The following PRLR variants were observed in gnomAD, a reference collection of about 807,000 sequenced individuals.
PRLR encodes the protein hPRL receptor.
PRLR carries 13 observed loss-of-function variants against 40.2 expected under a neutral mutation model. The ratio of observed to expected loss-of-function variants is 0.32; its 90% CI spans 0.21 to 0.51. PRLR has a LOEUF of 0.51. PRLR is among the 20% of genes least tolerant of loss of function. The pLI, the probability that PRLR is intolerant of heterozygous loss-of-function variation, is 0.97. For synonymous variants in PRLR, 269 were observed against 278.7 expected, an observed-to-expected ratio of 0.97 and a Z score of 0.35; for missense variants, 656 against 747.3, an observed-to-expected ratio of 0.88 and a Z score of 1.42.
At chr5:35,053,159 G>A (rs936604668), downstream of PRLR, among the ~76,000 whole-genome samples, 1 of 152,020 alleles carries the variant, frequency 6.6e-6, no homozygotes. Flanking sequence ...CCCATAACAC[G>A]TTTCTATTTA....
intron 2 of PRLR, among the ~76,000 whole-genome samples, chr5:35,107,084 A>G (rs920251723): frequency 3.3e-5 from 5 of 152,286 alleles, no homozygotes; most frequent in East Asian, 3.9e-4. Flanking sequence ...ACTCAAAACC[A>G]CACAACTACA....
intron 1 of PRLR, among the ~76,000 whole-genome samples, chr5:35,210,834 C>T (rs1221207659): frequency 6.6e-6 from 1 of 152,032 alleles, no homozygotes; most frequent in African/African-American, 2.4e-5. Context: ...CTCAGTGCCC[C>T]CAAGTAGCTA....
intron 1 of PRLR, among the ~76,000 whole-genome samples, chr5:35,205,758 C>T (rs533494853): frequency 5.3e-5 from 8 of 152,146 alleles, no homozygotes; most frequent in African/African-American, 1.9e-4. Context: ...AAAAGAAGAT[C>T]CTATCTCAGT....
At chr5:35,099,523 G>T (rs750368081) in intron 2 of PRLR, among the ~76,000 whole-genome samples, 32 of 152,158 alleles carry the variant, frequency 2.1e-4, no homozygotes, top group Non-Finnish European at 4.0e-4. Flanking sequence ...TTATTTTACA[G>T]TGTACTCCTT....
intron 1 of PRLR, among the ~76,000 whole-genome samples, chr5:35,156,542 T>C (rs966446759): frequency 1.3e-5 from 2 of 152,294 alleles, no homozygotes; most frequent in African/African-American, 4.8e-5. Flanking sequence ...TGAAATCACC[T>C]CCTACCAACA....
intron 1 of PRLR, among the ~76,000 whole-genome samples, chr5:35,198,927 C>T (rs568818963): frequency 6.6e-6 from 1 of 152,300 alleles, no homozygotes; most frequent in South Asian, 2.1e-4. Context: ...CTGATCTGCT[C>T]TCCGTGAAGC....
At chr5:35,167,044 C>G (rs111921265) in intron 1 of PRLR, among the ~76,000 whole-genome samples, 6 of 152,048 alleles carry the variant, frequency 3.9e-5, no homozygotes, top group Non-Finnish European at 8.8e-5. Context: ...CAAACTTTTT[C>G]TCTAAGAAGA....
chr5:35,054,589 G>A (rs530844835), downstream of PRLR, among the ~76,000 whole-genome samples: 1 of 152,238 alleles, frequency 6.6e-6, no homozygotes, highest in Non-Finnish European at 1.5e-5. Context: ...TAGATAAATA[G>A]GGAGATTAAT....
intron 1 of PRLR, among the ~76,000 whole-genome samples, chr5:35,207,572 C>T (rs1313492704): frequency 6.6e-6 from 1 of 151,762 alleles, no homozygotes; most frequent in Non-Finnish European, 1.5e-5. Context: ...AATGTCTGTT[C>T]TCCTGATTTA....
intron 5 of PRLR, among the ~76,000 whole-genome samples, chr5:35,079,213 T>A (rs1040287152): frequency 2.0e-5 from 3 of 152,114 alleles, no homozygotes; most frequent in African/African-American, 7.2e-5. Flanking sequence ...GCCAGGGCAA[T>A]CAGGCAGGAG....
At chr5:35,218,167 A>G (rs1366483853) in intron 1 of PRLR, among the ~76,000 whole-genome samples, 1 of 152,218 alleles carries the variant, frequency 6.6e-6, no homozygotes, top group Non-Finnish European at 1.5e-5. Flanking sequence ...TACTGCAACT[A>G]TATGTATGGA....
intron 1 of PRLR, among the ~76,000 whole-genome samples, chr5:35,118,847 G>A (rs537880713): frequency 8.5e-4 from 129 of 151,560 alleles, no homozygotes; most frequent in African/African-American, 2.5e-3. Flanking sequence ...GTGCAACGGC[G>A]CAATCACAGC....
chr5:35,162,088 G>C (rs1037462289), intron 1 of PRLR, among the ~76,000 whole-genome samples: 1 of 152,170 alleles, frequency 6.6e-6, no homozygotes, highest in Non-Finnish European at 1.5e-5. Context: ...AATGAGTCCT[G>C]TGCATCAAGA....
rs1769218840 is a variant in PRLR, at chr5:35,064,360, G to A, written c.*729C>T. The A allele has an allele frequency of 6.6e-6, 1 of 152,014 alleles. No homozygotes were observed. Among genetic ancestry groups the A allele is most frequent in the South Asian group, 2.1e-4 (1 of 4,820 alleles). 9.4% of individuals were successfully genotyped at this position (152,014 alleles called of 1,614,324 possible). A position where few individuals can be genotyped will look rare whatever the true frequency, so the allele number is the denominator to read the frequency against. On this transcript the variant is annotated 3_prime_UTR_variant, in exon 10 of 10. Coordinates refer to ENST00000618457, the MANE Select transcript of PRLR (RefSeq NM_000949.7). ...TTATCTATCATGCTGAAATGAAGGA[G>A]GAAAACATCCTAAAGGGATTCACAT...
At chr5:35,166,362 G>A (rs1361534091) in intron 1 of PRLR, among the ~76,000 whole-genome samples, 1 of 152,142 alleles carries the variant, frequency 6.6e-6, no homozygotes, top group East Asian at 1.9e-4. Context: ...CTTGTTTAAT[G>A]TGACAACTGG....
intron 2 of PRLR, among the ~76,000 whole-genome samples, chr5:35,100,260 T>C (rs185550872): frequency 6.6e-6 from 1 of 152,062 alleles, no homozygotes; most frequent in East Asian, 1.9e-4. Flanking sequence ...AAGGTTAATT[T>C]ATTACTGAAG....
chr5:35,228,942 T>C (rs1023372473), intron 1 of PRLR, among the ~76,000 whole-genome samples: 16 of 152,066 alleles, frequency 1.1e-4, no homozygotes, highest in African/African-American at 3.6e-4. Context: ...AGGGATTGCA[T>C]GTAAAATTTT....
intron 9 of PRLR, among the ~76,000 whole-genome samples, 199 bp downstream of exon 9, chr5:35,068,017 T>G (rs1048746558): frequency 7.9e-5 from 12 of 152,242 alleles, no homozygotes; most frequent in Admixed American, 2.0e-4. Flanking sequence ...CTCCTTGCCC[T>G]CTGACATTTA....
intron 2 of PRLR, among the ~76,000 whole-genome samples, chr5:35,096,097 C>T (rs965687117): frequency 6.6e-6 from 1 of 152,202 alleles, no homozygotes; most frequent in Non-Finnish European, 1.5e-5. Context: ...CGAGAGCTGA[C>T]TTAGACCTTG....
Sources: gnomAD v4.1 joint callset for allele counts (sites outside exome capture counted in the v4.1 genomes callset) on GRCh38, gnomAD v4.1.1 for gene constraint, MANE v1.5 for transcripts, NCBI Gene and HGNC (gene_info 2026-07-23, HGNC 2026-07-21) for gene names.